TTC21B: variants seen among roughly 807,000 people sequenced by gnomAD.
TTC21B encodes tetratricopeptide repeat domain 21B.
TTC21B carries 127 observed loss-of-function variants against 175.1 expected under a neutral mutation model. The observed-to-expected ratio is 0.73, with a 90% CI of 0.63 to 0.84. The LOEUF (loss-of-function observed/expected upper bound fraction) is 0.84. TTC21B is among the 40% of genes least tolerant of loss of function. TTC21B has a pLI of 0.00. For missense variants in TTC21B, 1,561 were observed against 1,558.3 expected (o/e 1.00, Z -0.03); for synonymous variants, 524 against 524.5 (o/e 1.00, Z 0.01).
chr2:165,945,837 A>T, intron 3 of TTC21B, 147 bp from the exon 4 acceptor site: 2 of 673,390 alleles, frequency 3.0e-6, no homozygotes, highest in Non-Finnish European at 2.4e-6. Context: ...TATGTAACTT[A>T]AAATTTTCTA....
intron 22 of TTC21B, among the ~76,000 whole-genome samples, chr2:165,891,193 TCA>T (rs2105292459): frequency 6.6e-6 from 1 of 152,136 alleles, no homozygotes; most frequent in East Asian, 1.9e-4. Flanking sequence ...GCTAGGCTGG[TCA>T]CAGTGTCTAC....
At position 165,880,918 on chromosome 2, in the gene TTC21B, T is replaced by C. The variant is rs993810060; in HGVS notation, c.3685-119A>G. On this transcript the variant is annotated intron_variant, in intron 26 of 28. Coordinates refer to ENST00000243344, the MANE Select transcript of TTC21B (RefSeq NM_024753.5). ...ATTTAAATGACAAATCAAACAATGG[T>C]TTTCAACCTTGGCTAGGCAATCAAA... is the stretch of plus-strand genomic sequence containing the variant. The C allele has an allele frequency of 5.3e-5, 60 of 1,137,978 alleles. No homozygotes were observed. In the Admixed American group the frequency reaches 1.2e-3, roughly 24 times the overall value. 70.5% of individuals were successfully genotyped at this position (1,137,978 alleles called of 1,614,324 possible).
At chr2:165,953,591 G>C (rs1687826266) in intron 1 of TTC21B, 94 bp downstream of exon 1, 2 of 1,527,740 alleles carry the variant, frequency 1.3e-6, no homozygotes, top group Non-Finnish European at 1.8e-6. Context: ...GCCTAGCGAA[G>C]CCACCCGAGC....
intron 25 of TTC21B, among the ~76,000 whole-genome samples, chr2:165,884,276 C>T (rs1684936797): frequency 6.6e-6 from 1 of 152,154 alleles, no homozygotes; most frequent in South Asian, 2.1e-4. Flanking sequence ...CACACAATTC[C>T]AAGAATTAGT....
At chr2:165,914,810 C>CT (rs34639821) in intron 15 of TTC21B, among the ~76,000 whole-genome samples, 15 of 151,350 alleles carry the variant, frequency 9.9e-5, no homozygotes, top group South Asian at 2.1e-4. Flanking sequence ...ACTAAAATAA[C>CT]TTTTTTTTTC....
At chr2:165,900,665 G>A (rs1685528833) in intron 20 of TTC21B, among the ~76,000 whole-genome samples, 1 of 151,986 alleles carries the variant, frequency 6.6e-6, no homozygotes, top group Non-Finnish European at 1.5e-5. Context: ...AATACAGAGT[G>A]TACAACAGCT....
chr2:165,880,638 A>G, intron 27 of TTC21B, 41 bp downstream of exon 27: 1 of 1,608,236 alleles, frequency 6.2e-7, no homozygotes, highest in South Asian at 1.1e-5. Flanking sequence ...TAAATACAAC[A>G]TAATTTTTCT....
chr2:165,935,566 A>C (rs1687098649), intron 6 of TTC21B, among the ~76,000 whole-genome samples: 1 of 152,192 alleles, frequency 6.6e-6, no homozygotes. Context: ...GAAAATCTAA[A>C]AGAATCAATT....
At chr2:165,945,984 C>T (rs913327455) in intron 3 of TTC21B, among the ~76,000 whole-genome samples, 12 of 152,242 alleles carry the variant, frequency 7.9e-5, no homozygotes, top group Non-Finnish European at 1.5e-4. Context: ...TCTTTCCTTA[C>T]TAACTGTGAA....
intron 27 of TTC21B, 139 bp from the exon 28 acceptor site, chr2:165,876,371 G>A (rs1684664901): frequency 1.5e-6 from 1 of 651,816 alleles, no homozygotes; most frequent in African/African-American, 1.8e-5. Context: ...ACGCTATACA[G>A]AGAAGTTGTG....
chr2:165,950,892 G>A (rs556219804), intron 1 of TTC21B, among the ~76,000 whole-genome samples: 3 of 152,262 alleles, frequency 2.0e-5, no homozygotes, highest in South Asian at 4.1e-4. Context: ...ACAGGCGTGA[G>A]CCACCACGCC....
intron 24 of TTC21B, among the ~76,000 whole-genome samples, chr2:165,889,138 T>C (rs1685103712): frequency 6.6e-6 from 1 of 152,202 alleles, no homozygotes; most frequent in Admixed American, 6.5e-5. Context: ...CACATAAATA[T>C]ACATAAATCA....
chr2:165,893,063 A>G (rs1685247678), intron 22 of TTC21B, among the ~76,000 whole-genome samples: 1 of 152,176 alleles, frequency 6.6e-6, no homozygotes, highest in South Asian at 2.1e-4. Context: ...CAATAAGAAT[A>G]TGGTTTCAGA....
chr2:165,888,477 G>A lies in TTC21B; in HGVS notation c.3264-3C>T, dbSNP rs189122492. 3 of 1,605,418 alleles carry A rather than the reference G, an allele frequency of 1.9e-6. No homozygotes were observed. Among genetic ancestry groups the A allele is most frequent in the Non-Finnish European group, 1.7e-6 (2 of 1,173,198 alleles). On this transcript the variant is annotated splice_region_variant and splice_polypyrimidine_tract_variant and intron_variant, in intron 24 of 28. Coordinates refer to ENST00000243344, the MANE Select transcript of TTC21B (RefSeq NM_024753.5). ...ATTCTTGCTTCTCAGTTGAATTACTGTATATAATTAAAAATAAATCACTTC... is the reference window on the plus strand; with the variant it reads ...ATTCTTGCTTCTCAGTTGAATTACTATATATAATTAAAAATAAATCACTTC...
chr2:165,937,287 T>C (rs1201294360), intron 6 of TTC21B, among the ~76,000 whole-genome samples: 1 of 151,932 alleles, frequency 6.6e-6, no homozygotes, highest in African/African-American at 2.4e-5. Flanking sequence ...GTTGGGGAGA[T>C]GGAGGGATAT....
chr2:165,912,680 T>C, intron 16 of TTC21B, 56 bp from the exon 17 acceptor site: 1 of 1,262,198 alleles, frequency 7.9e-7, no homozygotes, highest in Non-Finnish European at 1.2e-6. Flanking sequence ...CTGGGTCCCA[T>C]TAAAGGGCAA....
chr2:165,924,813 G>A (rs890924713), intron 11 of TTC21B, 135 bp from the exon 12 acceptor site: 7 of 924,164 alleles, frequency 7.6e-6, no homozygotes, highest in Non-Finnish European at 1.1e-5. Flanking sequence ...AACTTATTTT[G>A]TAATACCTTT....
chr2:165,920,452 A>C (rs1344943973), intron 12 of TTC21B, among the ~76,000 whole-genome samples: 1 of 152,212 alleles, frequency 6.6e-6, no homozygotes, highest in Non-Finnish European at 1.5e-5. Context: ...ATCAACCGTC[A>C]AGCATAATTA....
rs149176106 is a variant in TTC21B at position 165,908,324 on chromosome 2, G to A, written c.2462-540C>T. On this transcript the variant is annotated intron_variant, in intron 18 of 28. Transcript: ENST00000243344. ...CAGTTCCCTCTCATCTGTAAAATAGGAAAAATGATAGTAACTACCTCACAG... is the reference window on the plus strand; with the variant it reads ...CAGTTCCCTCTCATCTGTAAAATAGAAAAAATGATAGTAACTACCTCACAG... Among the ~76,000 whole-genome samples the A allele has an allele frequency of 4.4e-3, 664 of 152,170 alleles. 3 individuals carry two copies. The highest frequency in any genetic ancestry group is 7.0e-3 in the Non-Finnish European group (477 of 67,972).
Sources: gnomAD v4.1 joint callset for allele counts (sites outside exome capture counted in the v4.1 genomes callset) on GRCh38, gnomAD v4.1.1 for gene constraint, MANE v1.5 for transcripts, NCBI Gene and HGNC (gene_info 2026-07-23, HGNC 2026-07-21) for gene names.